Variants in FAM78A observed in about 807,000 individuals in gnomAD.
FAM78A encodes family with sequence similarity 78 member A.
A neutral mutation model predicts 22.6 loss-of-function variants in FAM78A; 12 were observed. The observed-to-expected ratio is 0.53, with a 90% confidence interval of 0.34 to 0.86. The LOEUF (loss-of-function observed/expected upper bound fraction) is 0.86, where lower values mean the gene tolerates loss of function less well. FAM78A is among the 40% of genes least tolerant of loss of function. The pLI is 0.02. For synonymous variants in FAM78A, 151 were observed against 155.8 expected, an observed-to-expected ratio of 0.97 and a Z score of 0.23; for missense variants, 322 against 396.1, an observed-to-expected ratio of 0.81 and a Z score of 1.59.
intron 1 of FAM78A, chr9:131,262,840 G>T (rs1365235281): frequency 1.3e-5 from 2 of 152,126 alleles, no homozygotes; most frequent in Non-Finnish European, 2.9e-5. Context: ...CCCTAGTGTT[G>T]TCAAATTCAT....
chr9:131,269,419 A>C (rs7861111), intron 1 of FAM78A, among the ~76,000 whole-genome samples: 85,709 of 151,816 alleles, frequency 0.56, 24,387 homozygotes, highest in East Asian at 0.78. Context: ...TTGAGGGGAC[A>C]CTTGAGTTGT....
chr9:131,265,000 A>T (rs1835326793), intron 1 of FAM78A, among the ~76,000 whole-genome samples: 1 of 152,142 alleles, frequency 6.6e-6, no homozygotes, highest in South Asian at 2.1e-4. Flanking sequence ...CTGGGATTAC[A>T]GGCGTGAGCC....
rs1297126825 is a variant in FAM78A, at chr9:131,265,772, T to G, written c.324-4422A>C. 6.6e-6 allele frequency among the ~76,000 whole-genome samples: 1 copy of G among 152,134 alleles called. No homozygotes were observed. The highest frequency in any genetic ancestry group is 1.5e-5 in the Non-Finnish European group (1 of 68,010). ...TCTGAGTGCAGGCCCCGGACAGCTG[T>G]CCAGTCTAGGAGCCCAGCAGGCCGT... On this transcript the variant is annotated intron_variant, in intron 1 of 1. Coordinates refer to ENST00000372271, the MANE Select transcript of FAM78A (RefSeq NM_033387.4). The surrounding 1 kb of genome is among the most constrained non-coding windows in gnomAD (Gnocchi z 4.3).
In FAM78A at chr9:131,272,581, G is replaced by C. The variant is rs549280802; in HGVS notation, c.323+3276C>G. Among the ~76,000 whole-genome samples, 2 of 152,320 alleles carry C rather than the reference G, an allele frequency of 1.3e-5. No individual in the cohort carries two copies. The highest frequency in any genetic ancestry group is 2.1e-4 in the South Asian group (1 of 4,824). The stretch of plus-strand genomic sequence containing the variant: ...TTCCCTTTCCTTTTCATGCCACAAG[G>C]CTTAAAAACTTGGAAAATGGAAGTC... On this transcript the variant is annotated intron_variant, in intron 1 of 1. Transcript: ENST00000372271. The surrounding 1 kb of genome is among the most constrained non-coding windows in gnomAD (Gnocchi z 4.1).
upstream of FAM78A, among the ~76,000 whole-genome samples, chr9:131,277,538 G>C (rs1304325520): frequency 2.6e-5 from 4 of 151,750 alleles, no homozygotes; most frequent in African/African-American, 9.7e-5. The surrounding 1 kb of genome is among the most constrained non-coding windows in gnomAD (Gnocchi z 8.4). Flanking sequence ...GGGCGGCGCC[G>C]CCGACTCACC....
At chr9:131,279,847 G>T (rs1039691530), upstream of FAM78A, among the ~76,000 whole-genome samples, 1 of 152,192 alleles carries the variant, frequency 6.6e-6, no homozygotes, top group African/African-American at 2.4e-5. Flanking sequence ...CAGGGATCAG[G>T]GGATAGAGAC....
chr9:131,276,762 C>A (rs1835489382), upstream of FAM78A, among the ~76,000 whole-genome samples: 2 of 151,184 alleles, frequency 1.3e-5, no homozygotes, highest in African/African-American at 4.8e-5. This position sits in a 1 kb window ranked among gnomAD's most constrained non-coding sequence, Gnocchi z 4.3. Flanking sequence ...AGGGCTCCGG[C>A]CGCTCGCCGG....
chr9:131,269,473 T>C (rs985851655), intron 1 of FAM78A, among the ~76,000 whole-genome samples: 72 of 151,520 alleles, frequency 4.8e-4, no homozygotes, highest in Non-Finnish European at 6.3e-4. Context: ...GTTAACATCC[T>C]CACGTGTGCA....
intron 1 of FAM78A, among the ~76,000 whole-genome samples, chr9:131,271,305 A>T (rs1416108382): frequency 6.6e-6 from 1 of 152,198 alleles, no homozygotes; most frequent in Non-Finnish European, 1.5e-5. Flanking sequence ...ATAATGTAAC[A>T]ACAGCAACGA....
chr9:131,270,506 T>C, intron 1 of FAM78A: 1 of 715,932 alleles, frequency 1.4e-6, no homozygotes, highest in Admixed American at 2.0e-5. Flanking sequence ...GGATGAGGGC[T>C]GCAGCAATCC....
Position 131,265,901 on chromosome 9 carries a change from C to T in FAM78A, c.324-4551G>A, listed in dbSNP as rs916517040. ...AGGCAAGTCCAGGCTGGAACCCAGGCGTCAGAATGCTTCCCGGGCTGAAGT... is the reference window on the plus strand; with the variant it reads ...AGGCAAGTCCAGGCTGGAACCCAGGTGTCAGAATGCTTCCCGGGCTGAAGT... On this transcript the variant is annotated intron_variant, in intron 1 of 1. Transcript: ENST00000372271. The surrounding 1 kb of genome is among the most constrained non-coding windows in gnomAD (Gnocchi z 4.3). Among the ~76,000 whole-genome samples, 1 of 152,168 alleles carries T rather than the reference C, an allele frequency of 6.6e-6. No homozygotes were observed. The highest frequency in any genetic ancestry group is 1.5e-5 in the Non-Finnish European group (1 of 68,018).
Position 131,270,593 on chromosome 9 carries a change from G to C in FAM78A, c.323+5264C>G, listed in dbSNP as rs564458718. The stretch of plus-strand genomic sequence containing the variant: ...CTACTTCCTCCCACCCCAAAGCCTT[G>C]AAACAAGGACTTCCCTCTCCCACCC... On this transcript the variant is annotated intron_variant, in intron 1 of 1. Transcript: ENST00000372271. 5.5e-5 allele frequency: 39 copies of C among 707,198 alleles called. 1 individual carries two copies. The highest frequency in any genetic ancestry group is 4.0e-4 in the African/African-American group (23 of 57,104). The allele number at this position is 707,198 out of a possible 1,614,324, so 43.8% of individuals were successfully genotyped here.
chr9:131,269,712 G>T (rs559980593), intron 1 of FAM78A, among the ~76,000 whole-genome samples: 1 of 152,092 alleles, frequency 6.6e-6, no homozygotes, highest in African/African-American at 2.4e-5. Context: ...CCTGACCTCA[G>T]ATGATCCACC....
upstream of FAM78A, among the ~76,000 whole-genome samples, chr9:131,280,151 G>A (rs12341655): frequency 4.5e-3 from 692 of 152,332 alleles, 7 homozygotes; most frequent in African/African-American, 0.015. Context: ...CCTGTTTGCC[G>A]GCTTTGAGCT....
rs1319429241 is a variant in FAM78A, at chr9:131,261,120, C to T, written c.554G>A (p.Arg185Gln). 7 of 1,614,094 alleles carry T rather than the reference C, an allele frequency of 4.3e-6. No individual in the cohort carries two copies. The highest frequency in any genetic ancestry group is 2.2e-5 in the East Asian group (1 of 44,878). Residue 185 changes from arginine (R) to glutamine (Q), a missense_variant, in exon 2 of 2, where the codon CGG (arginine) becomes CAG (glutamine). Coordinates refer to ENST00000372271, the MANE Select transcript of FAM78A (RefSeq NM_033387.4). This position sits in a 1 kb window ranked among gnomAD's most constrained non-coding sequence, Gnocchi z 7.1. ...CAGCCAGGTGGTGAAGCTCTGGTCC[C>T]GGTAGATATTGGTGAGCTTGGCCAC... ...SNVAKLTNIY[R>Q]DQSFTTWLVA...
intron 1 of FAM78A, among the ~76,000 whole-genome samples, chr9:131,268,865 C>G (rs1174580264): frequency 6.6e-6 from 1 of 150,870 alleles, no homozygotes; most frequent in Non-Finnish European, 1.5e-5. Flanking sequence ...TGCACTCCAG[C>G]CTGGGCGACA....
rs188044049 is a variant in FAM78A, at chr9:131,270,124, T to G, written c.323+5733A>C. ...GGGAGGCAGAGACAGGAGAATCGCT[T>G]GAACCCGGGAGGCGGATGTTGCAGT... On this transcript the variant is annotated intron_variant, in intron 1 of 1. Transcript: ENST00000372271. Among the ~76,000 whole-genome samples the G allele has an allele frequency of 5.5e-3, 839 of 151,300 alleles. 10 individuals carry two copies. Among genetic ancestry groups the G allele is most frequent in the African/African-American group, 0.02 (811 of 41,134 alleles).
intron 1 of FAM78A, chr9:131,270,479 T>G: frequency 1.4e-6 from 1 of 716,908 alleles, no homozygotes; most frequent in Non-Finnish European, 2.6e-6. Context: ...AATGTTTGTT[T>G]CCAGTGCTTG....
At chr9:131,270,043 A>AT (rs1018802227) in intron 1 of FAM78A, among the ~76,000 whole-genome samples, 17 of 149,194 alleles carry the variant, frequency 1.1e-4, no homozygotes, top group Admixed American at 2.7e-4. Context: ...AAAATAAAAA[A>AT]AAAAAAAAAA....
Sources: allele counts gnomAD v4.1 joint callset (sites outside exome capture counted in the v4.1 genomes callset), GRCh38; gene constraint gnomAD v4.1.1; non-coding constraint Gnocchi (gnomAD v3.1); transcripts MANE v1.5; gene names NCBI Gene and HGNC (gene_info 2026-07-23, HGNC 2026-07-21).